The following E2F6 variants were observed in gnomAD, a reference collection of about 807,000 sequenced individuals.
E2F6 encodes the protein E2F transcription factor 6, also known as transcription factor E2F6.
E2F6 carries 19 observed loss-of-function variants against 31.5 expected under a neutral mutation model. That is an observed-to-expected ratio of 0.60 (90% CI 0.42 to 0.89). The LOEUF (loss-of-function observed/expected upper bound fraction) is 0.89, where lower values mean the gene tolerates loss of function less well. E2F6 is among the 40% of genes least tolerant of loss of function. E2F6 has a pLI of 0.00. For synonymous variants in E2F6, 121 were observed against 127.7 expected, an observed-to-expected ratio of 0.95 and a Z score of 0.36; for missense variants, 269 against 341.6, an observed-to-expected ratio of 0.79 and a Z score of 1.67.
intron 5 of E2F6, among the ~76,000 whole-genome samples, chr2:11,449,741 C>T (rs1277792860): frequency 6.6e-6 from 1 of 152,174 alleles, no homozygotes; most frequent in East Asian, 1.9e-4. Flanking sequence ...GAAAAGCAAA[C>T]TATGAAGCCA....
At chr2:11,455,371 C>T in intron 2 of E2F6, 6 of 1,230,218 alleles carry the variant, frequency 4.9e-6, no homozygotes, top group Non-Finnish European at 6.3e-6. Flanking sequence ...TACTCAGAAC[C>T]TCCACAATGT....
At chr2:11,456,036 G>A (rs1671383143) in intron 2 of E2F6, among the ~76,000 whole-genome samples, 1 of 152,236 alleles carries the variant, frequency 6.6e-6, no homozygotes, top group Admixed American at 6.5e-5. Flanking sequence ...CACAGGTGGT[G>A]TAGCTTGTGC....
Position 11,445,157 on chromosome 2 carries a change from T to C in E2F6, c.*1320A>G, listed in dbSNP as rs1670642941. 6.6e-6 allele frequency: 1 copy of C among 152,228 alleles called. No individual in the cohort carries two copies. The highest frequency in any genetic ancestry group is 1.5e-5 in the Non-Finnish European group (1 of 68,038). 9.4% of individuals were successfully genotyped at this position (152,228 alleles called of 1,614,324 possible). On this transcript the variant is annotated 3_prime_UTR_variant, in exon 7 of 7. Coordinates refer to ENST00000381525, the MANE Select transcript of E2F6 (RefSeq NM_198256.4). ...TTTGATTTTGGATTCCGATTTTAAATCTTTTTAAACACAGTCTGAATTTGA... is the reference window on the plus strand; with the variant it reads ...TTTGATTTTGGATTCCGATTTTAAACCTTTTTAAACACAGTCTGAATTTGA...
intron 5 of E2F6, 63 bp from the exon 6 acceptor site, chr2:11,447,837 T>C (rs1193522775): frequency 1.3e-6 from 2 of 1,548,118 alleles, no homozygotes; most frequent in Non-Finnish European, 8.7e-7. Flanking sequence ...TTTCACTCAC[T>C]AGAACTGCAA....
intron 2 of E2F6, chr2:11,456,924 C>T (rs1297835425): frequency 9.4e-6 from 4 of 424,288 alleles, no homozygotes; most frequent in South Asian, 8.1e-5. Flanking sequence ...GGAAAGAGTA[C>T]ATTTCTCTCC....
chr2:11,458,085 C>T (rs1671524508), intron 1 of E2F6, among the ~76,000 whole-genome samples: 1 of 152,146 alleles, frequency 6.6e-6, no homozygotes, highest in Non-Finnish European at 1.5e-5. Flanking sequence ...TGAAACCAAA[C>T]CTTAAAATGA....
Position 11,465,894 on chromosome 2 carries a change from C to G in E2F6, c.-15G>C, listed in dbSNP as rs1672178497. The G allele has an allele frequency of 6.5e-7, 1 of 1,532,474 alleles. No homozygotes were observed. Among genetic ancestry groups the G allele is most frequent in the Non-Finnish European group, 8.8e-7 (1 of 1,137,582 alleles). 94.9% of individuals were successfully genotyped at this position (1,532,474 alleles called of 1,614,324 possible). Reference sequence around the variant, plus strand: ...TGCTGACTCATGCTGCCCGGCCGGGCGTCCTGCTCCCCTCGCACCCCACGA... The same window carrying G: ...TGCTGACTCATGCTGCCCGGCCGGGGGTCCTGCTCCCCTCGCACCCCACGA... On this transcript the variant is annotated 5_prime_UTR_variant, in exon 1 of 7. Transcript: ENST00000381525.
chr2:11,461,382 A>G (rs7425786), intron 1 of E2F6, among the ~76,000 whole-genome samples: 69,497 of 151,932 alleles, frequency 0.46, 16,851 homozygotes, highest in East Asian at 0.61. Context: ...ATGGAGTTTC[A>G]CTCTTGTTGC....
rs145156948 is a variant in E2F6, at chr2:11,447,105, T to G, written c.799+522A>C. On this transcript the variant is annotated intron_variant, in intron 6 of 6. Transcript: ENST00000381525. ...CAATTCCACTATTTGGGATCTGCTG[T>G]TGGACAGCACTGCAAGCTGGGTTCC... Among the ~76,000 whole-genome samples, 64 of 152,352 alleles carry G rather than the reference T, an allele frequency of 4.2e-4. No homozygotes were observed. In the East Asian group the frequency reaches 0.01, roughly 24 times the overall value.
intron 1 of E2F6, among the ~76,000 whole-genome samples, chr2:11,464,743 G>A (rs1046961393): frequency 6.6e-6 from 1 of 152,096 alleles, no homozygotes; most frequent in African/African-American, 2.4e-5. Flanking sequence ...GCATCTCCAA[G>A]TCTGTTTTGG....
rs534701216 is a variant in E2F6, at chr2:11,455,688, G to C, written c.163+1491C>G. On this transcript the variant is annotated intron_variant, in intron 2 of 6. Coordinates refer to ENST00000381525, the MANE Select transcript of E2F6 (RefSeq NM_198256.4). ...TATTTTATAAAGAACATGTACAACG[G>C]AACACCAAAAATGTGACAGTTGCTG... Among the ~76,000 whole-genome samples, 5 of 152,256 alleles carry C rather than the reference G, an allele frequency of 3.3e-5. No homozygotes were observed. In the South Asian group the frequency reaches 1.0e-3, roughly 32 times the overall value.
intron 1 of E2F6, among the ~76,000 whole-genome samples, chr2:11,462,067 T>C (rs1185949165): frequency 2.0e-5 from 3 of 152,228 alleles, no homozygotes; most frequent in Non-Finnish European, 4.4e-5. Flanking sequence ...TTTTAGATTC[T>C]AATCAGATTA....
Position 11,453,616 on chromosome 2 carries a change from C to T in E2F6, c.346G>A (p.Val116Ile), listed in dbSNP as rs1225350196. The T allele has an allele frequency of 5.0e-6, 8 of 1,613,990 alleles. No individual in the cohort carries two copies. The highest frequency in any genetic ancestry group is 2.2e-5 in the South Asian group (2 of 91,078). The change falls in exon 3 of 7, where the codon GTT (valine) becomes ATT (isoleucine). Residue 116 changes from valine (V) to isoleucine (I), a missense_variant. Transcript: ENST00000381525. ...ITNVLDGIDL[V>I]EKKSKNHIRW... Reference sequence around the variant, plus strand: ...ATATGGTTCTTGGATTTCTTTTCAACGAGGTCGATTCCATCTAAGACATTG... The same window carrying T: ...ATATGGTTCTTGGATTTCTTTTCAATGAGGTCGATTCCATCTAAGACATTG...
In E2F6 at chr2:11,447,763, T is replaced by C. The variant is rs1483057182; in HGVS notation, c.663A>G (p.Thr221=). ...DVPAPREDSI[T]VHIRSTNGPI... Reference sequence around the variant, plus strand: ...GTCCGTTGGTGCTCCTTATGTGCACTGTGATAGAGTCCTAGCAAAGGACAC... The same window carrying C: ...GTCCGTTGGTGCTCCTTATGTGCACCGTGATAGAGTCCTAGCAAAGGACAC... Residue 221 remains threonine (T), a synonymous_variant, in exon 6 of 7, where the codon ACA becomes ACG. Transcript: ENST00000381525. 6.2e-7 allele frequency: 1 copy of C among 1,609,634 alleles called. No individual in the cohort carries two copies. The highest frequency in any genetic ancestry group is 1.3e-5 in the African/African-American group (1 of 74,868).
rs1671086604 is a variant in E2F6 at position 11,451,811 on chromosome 2, A to G, written c.381-5T>C. On this transcript the variant is annotated splice_polypyrimidine_tract_variant and splice_region_variant and intron_variant, in intron 3 of 6. Transcript: ENST00000381525. ...AAATTGCTAAGATCAGATCCTCTTTAGAAGAAAAAAAATGTCAGCATCAAT... is the reference window on the plus strand; with the variant it reads ...AAATTGCTAAGATCAGATCCTCTTTGGAAGAAAAAAAATGTCAGCATCAAT... 2 of 1,605,078 alleles carry G rather than the reference A, an allele frequency of 1.2e-6. No individual in the cohort carries two copies. Among genetic ancestry groups the G allele is most frequent in the African/African-American group, 2.7e-5 (2 of 74,742 alleles).
chr2:11,450,960 C>A (rs1297222105), intron 4 of E2F6, among the ~76,000 whole-genome samples: 4 of 152,108 alleles, frequency 2.6e-5, no homozygotes, highest in Non-Finnish European at 5.9e-5. Context: ...GTACCAAAGA[C>A]AAGGCTCCCC....
At chr2:11,462,197 C>A (rs1469076375) in intron 1 of E2F6, among the ~76,000 whole-genome samples, 2 of 152,052 alleles carry the variant, frequency 1.3e-5, no homozygotes, top group African/African-American at 2.4e-5. Flanking sequence ...GAGCCCTGAC[C>A]AATAGAGTAA....
In E2F6 at chr2:11,447,786, C is replaced by G; in HGVS notation, c.652-12G>C. On this transcript the variant is annotated splice_polypyrimidine_tract_variant and intron_variant, in intron 5 of 6. Coordinates refer to ENST00000381525, the MANE Select transcript of E2F6 (RefSeq NM_198256.4). Reference sequence around the variant, plus strand: ...ACTGTGATAGAGTCCTAGCAAAGGACACAGGAATCGTCAAGATGAATGAAA... The same window carrying G: ...ACTGTGATAGAGTCCTAGCAAAGGAGACAGGAATCGTCAAGATGAATGAAA... 1 of 1,601,794 alleles carries G rather than the reference C, an allele frequency of 6.2e-7. No homozygotes were observed. Among genetic ancestry groups the G allele is most frequent in the South Asian group, 1.1e-5 (1 of 88,322 alleles).
At chr2:11,456,028 C>T (rs1343430916) in intron 2 of E2F6, among the ~76,000 whole-genome samples, 3 of 152,162 alleles carry the variant, frequency 2.0e-5, no homozygotes, top group African/African-American at 7.2e-5. Context: ...TTGGGGATCA[C>T]AGGTGGTGTA....
Sources: allele counts gnomAD v4.1 joint callset (sites outside exome capture counted in the v4.1 genomes callset), GRCh38; gene constraint gnomAD v4.1.1; transcripts MANE v1.5; gene names NCBI Gene and HGNC (gene_info 2026-07-23, HGNC 2026-07-21).